SLC24A3: variants seen among roughly 807,000 people sequenced by gnomAD.
SLC24A3 encodes sodium/potassium/calcium exchanger 3.
SLC24A3 carries 28 observed loss-of-function variants against 75.8 expected under a neutral mutation model. The observed-to-expected ratio is 0.37, with a 90% CI of 0.27 to 0.51. The LOEUF (loss-of-function observed/expected upper bound fraction) is 0.51. Among genes scored for constraint, SLC24A3 ranks in the 20% least tolerant of loss-of-function variants. The pLI is 0.94. For synonymous variants in SLC24A3, 372 were observed against 334.1 expected (o/e 1.11, Z -1.24); for missense variants, 663 against 847.8 (o/e 0.78, Z 2.71).
intron 2 of SLC24A3, among the ~76,000 whole-genome samples, chr20:19,413,163 GA>G (rs1420079532): frequency 6.6e-6 from 1 of 152,132 alleles, no homozygotes; most frequent in Non-Finnish European, 1.5e-5. Context: ...ATAGGGCCAG[GA>G]CTAGAAGTCT....
chr20:19,419,612 T>A (rs1291591579), intron 2 of SLC24A3, among the ~76,000 whole-genome samples: 1 of 152,058 alleles, frequency 6.6e-6, no homozygotes. Flanking sequence ...CTCAGGCAGA[T>A]CCTGAGGGGA....
At chr20:19,238,525 G>GATCCTAATA (rs1275405768) in intron 1 of SLC24A3, among the ~76,000 whole-genome samples, 1 of 152,200 alleles carries the variant, frequency 6.6e-6, no homozygotes, top group Non-Finnish European at 1.5e-5. Context: ...GGCTGCAGTA[G>GATCCTAATA]ATCCTAATAA....
At chr20:19,610,256 T>G (rs1309245696) in intron 6 of SLC24A3, among the ~76,000 whole-genome samples, 3 of 152,230 alleles carry the variant, frequency 2.0e-5, no homozygotes, top group African/African-American at 7.2e-5. Flanking sequence ...CAAATTGTTG[T>G]TTCAGTTACA....
At chr20:19,228,261 G>C (rs1568562763) in intron 1 of SLC24A3, among the ~76,000 whole-genome samples, 1 of 152,116 alleles carries the variant, frequency 6.6e-6, no homozygotes, top group African/African-American at 2.4e-5. Context: ...GTCCATTGGG[G>C]TATGGATCCC....
intron 3 of SLC24A3, among the ~76,000 whole-genome samples, chr20:19,516,282 C>T (rs531854855): frequency 6.0e-4 from 92 of 152,274 alleles, no homozygotes; most frequent in Non-Finnish European, 9.1e-4. Context: ...ATACATGTGA[C>T]GATGTCTAAG....
At chr20:19,285,062 T>C (rs182577873) in intron 2 of SLC24A3, among the ~76,000 whole-genome samples, 1 of 152,266 alleles carries the variant, frequency 6.6e-6, no homozygotes, top group Admixed American at 6.5e-5. Context: ...CTTCTCCCTT[T>C]CTCTCTGTCT....
At chr20:19,500,802 A>G (rs948727206) in intron 2 of SLC24A3, among the ~76,000 whole-genome samples, 3 of 151,870 alleles carry the variant, frequency 2.0e-5, no homozygotes, top group Non-Finnish European at 4.4e-5. Flanking sequence ...ATGGTAAACC[A>G]CTCCTCGTCT....
chr20:19,343,356 T>C (rs2122311217), intron 2 of SLC24A3, among the ~76,000 whole-genome samples: 1 of 152,292 alleles, frequency 6.6e-6, no homozygotes, highest in South Asian at 2.1e-4. Flanking sequence ...TCACCTACTC[T>C]ATGTGTTTTC....
rs139259230 is a variant in SLC24A3, at chr20:19,718,093, C to G, written c.1785+500C>G. 8.3e-4 allele frequency among the ~76,000 whole-genome samples: 127 copies of G among 152,336 alleles called. 1 individual carries two copies. The highest frequency in any genetic ancestry group is 2.9e-3 in the African/African-American group (121 of 41,578). On this transcript the variant is annotated intron_variant, in intron 16 of 16. Transcript: ENST00000328041. ...AGTTCACACCAACGCATGGACTCAT[C>G]CACATGAAGCATCCATTAACATACA...
At chr20:19,703,457 G>T (rs565021882) in intron 15 of SLC24A3, among the ~76,000 whole-genome samples, 1 of 152,258 alleles carries the variant, frequency 6.6e-6, no homozygotes, top group South Asian at 2.1e-4. Flanking sequence ...TTTAAATAGA[G>T]AATAAATTTT....
intron 15 of SLC24A3, among the ~76,000 whole-genome samples, chr20:19,699,556 T>C (rs1039837140): frequency 6.6e-6 from 1 of 152,196 alleles, no homozygotes; most frequent in Admixed American, 6.5e-5. Context: ...TGGAGAAATA[T>C]CTTATGTGGG....
chr20:19,595,120 G>A (rs1263850024), intron 6 of SLC24A3, among the ~76,000 whole-genome samples: 1 of 152,164 alleles, frequency 6.6e-6, no homozygotes, highest in Non-Finnish European at 1.5e-5. Context: ...TAAGAAAACA[G>A]CAAGGCCAAG....
intron 2 of SLC24A3, among the ~76,000 whole-genome samples, chr20:19,281,484 C>T (rs1178659550): frequency 6.6e-6 from 1 of 152,152 alleles, no homozygotes; most frequent in Admixed American, 6.5e-5. Flanking sequence ...ACAGTAGAGA[C>T]ACAGGGATTG....
chr20:19,712,313 G>A (rs2033001131), intron 15 of SLC24A3, among the ~76,000 whole-genome samples: 1 of 151,978 alleles, frequency 6.6e-6, no homozygotes, highest in African/African-American at 2.4e-5. Context: ...GGAATTAGGT[G>A]CTAGAGTGAG....
intron 3 of SLC24A3, among the ~76,000 whole-genome samples, chr20:19,569,736 T>A (rs1203466147): frequency 6.6e-6 from 1 of 152,128 alleles, no homozygotes; most frequent in Non-Finnish European, 1.5e-5. Flanking sequence ...TGTGATCATC[T>A]ACATGCTCTT....
intron 1 of SLC24A3, among the ~76,000 whole-genome samples, chr20:19,266,447 T>A (rs1430446599): frequency 6.6e-6 from 1 of 152,200 alleles, no homozygotes; most frequent in Admixed American, 6.5e-5. Context: ...ACTCTAGGCA[T>A]GAATTAAGAA....
At chr20:19,688,051 G>A (rs369903676) in intron 12 of SLC24A3, among the ~76,000 whole-genome samples, 3 of 152,146 alleles carry the variant, frequency 2.0e-5, no homozygotes, top group South Asian at 2.1e-4. Context: ...GTACCATCCC[G>A]TGGGGTCTCC....
chr20:19,240,809 T>G (rs535639832), intron 1 of SLC24A3, among the ~76,000 whole-genome samples: 81 of 152,286 alleles, frequency 5.3e-4, no homozygotes, highest in African/African-American at 1.7e-3. Flanking sequence ...GTAGACCCAG[T>G]CAGCCACTCA....
chr20:19,678,262 C>A (rs2032552984), intron 9 of SLC24A3, among the ~76,000 whole-genome samples: 1 of 148,986 alleles, frequency 6.7e-6, no homozygotes. Context: ...CAGAGGGGCT[C>A]CTCACTTCCC....
Sources: allele counts gnomAD v4.1 joint callset (sites outside exome capture counted in the v4.1 genomes callset), GRCh38; gene constraint gnomAD v4.1.1; transcripts MANE v1.5; gene names NCBI Gene and HGNC (gene_info 2026-07-23, HGNC 2026-07-21).